The following PDE6A variants were observed in gnomAD, a reference collection of about 807,000 sequenced individuals.
PDE6A encodes phosphodiesterase 6A.
Under a neutral mutation model 106.3 loss-of-function variants are expected in PDE6A, and 84 were observed. The observed-to-expected ratio is 0.79, with a 90% confidence interval of 0.66 to 0.95. The LOEUF is 0.95. Among genes scored for constraint, PDE6A ranks in the 40% least tolerant of loss-of-function variants. PDE6A has a pLI of 0.00. For synonymous variants in PDE6A, 394 were observed against 386.6 expected (o/e 1.02, Z -0.23); for missense variants, 1,052 against 1,084.9 (o/e 0.97, Z 0.43).
intron 17 of PDE6A, among the ~76,000 whole-genome samples, 179 bp from the exon 18 acceptor site, chr5:149,868,337 C>T (rs1388569053): frequency 6.6e-6 from 1 of 152,170 alleles, no homozygotes; most frequent in Non-Finnish European, 1.5e-5. Flanking sequence ...AGGGTTAGAT[C>T]CTGCCTCTGT....
At chr5:149,891,536 T>G (rs955776592) in intron 13 of PDE6A, among the ~76,000 whole-genome samples, 1 of 152,130 alleles carries the variant, frequency 6.6e-6, no homozygotes, top group Non-Finnish European at 1.5e-5. Context: ...GCGTGGTAAC[T>G]CACACCTAAA....
intron 14 of PDE6A, among the ~76,000 whole-genome samples, chr5:149,885,253 T>G (rs1312074865): frequency 6.6e-6 from 1 of 152,234 alleles, no homozygotes; most frequent in Non-Finnish European, 1.5e-5. Flanking sequence ...ATTCTCAAAA[T>G]GTAAAATGTA....
chr5:149,861,642 T>G (rs116629047), intron 21 of PDE6A, among the ~76,000 whole-genome samples: 3,841 of 152,146 alleles, frequency 0.025, 175 homozygotes, highest in African/African-American at 0.088. Flanking sequence ...AAAGCAAGAC[T>G]CTATCTCCAA....
chr5:149,896,330 A>G (rs1345001191), intron 12 of PDE6A, 26 bp downstream of exon 12: 1 of 1,579,984 alleles, frequency 6.3e-7, no homozygotes, highest in Non-Finnish European at 8.7e-7. Context: ...AAAAAGGGAA[A>G]TCATATATAT....
At position 149,858,715 on chromosome 5, in the gene PDE6A, G is replaced by T. The variant is rs1381443387; in HGVS notation, c.*2180C>A. The T allele has an allele frequency of 6.6e-6, 1 of 152,128 alleles. No homozygotes were observed. Among genetic ancestry groups the T allele is most frequent in the East Asian group, 1.9e-4 (1 of 5,182 alleles). The allele number at this position is 152,128 out of a possible 1,614,324, so 9.4% of individuals were successfully genotyped here. ...GATTGCTTGAGCCCGGGCAGCTGGG[G>T]CTCCAGTGAGCTATGGTCATACCAC... On this transcript the variant is annotated 3_prime_UTR_variant, in exon 22 of 22. Coordinates refer to ENST00000255266, the MANE Select transcript of PDE6A (RefSeq NM_000440.3).
Position 149,944,520 on chromosome 5 carries a change from G to A in PDE6A, c.154C>T (p.Pro52Ser), listed in dbSNP as rs868265580. 6.2e-7 allele frequency: 1 copy of A among 1,614,118 alleles called. No individual in the cohort carries two copies. Among genetic ancestry groups the A allele is most frequent in the Non-Finnish European group, 8.5e-7 (1 of 1,180,002 alleles). ...AAVDFSNYHS[P>S]SSMEESEIIF... is the part of the protein sequence containing the mutation. ...ATTTCGCTCTCCTCCATGCTGCTCG[G>A]GGAGTGGTAGTTGCTGAAGTCCACG... The change falls in exon 1 of 22, where the codon CCG becomes TCG. Residue 52 changes from proline to serine, a missense_variant. Around this residue, in one of 3 missense-constraint regions of PDE6A, gnomAD observed 913 missense variants for 915.2 expected, o/e 1.00. Transcript: ENST00000255266.
At chr5:149,879,623 T>G (rs909460284) in intron 17 of PDE6A, among the ~76,000 whole-genome samples, 3 of 131,612 alleles carry the variant, frequency 2.3e-5, no homozygotes, top group African/African-American at 8.6e-5. Context: ...CCCCTTCCTG[T>G]GTCCATGTGA....
intron 13 of PDE6A, among the ~76,000 whole-genome samples, chr5:149,888,303 C>T (rs1752393033): frequency 2.6e-5 from 4 of 152,058 alleles, no homozygotes; most frequent in Admixed American, 2.6e-4. Flanking sequence ...TTATTATTCA[C>T]AGACGATTGA....
At chr5:149,903,506 T>C (rs1317074486) in intron 8 of PDE6A, 142 bp downstream of exon 8, 2 of 713,756 alleles carry the variant, frequency 2.8e-6, no homozygotes, top group Non-Finnish European at 2.5e-6. Flanking sequence ...CCATTTCCAT[T>C]GGTACAGGAA....
At chr5:149,888,308 G>A (rs953425540) in intron 13 of PDE6A, among the ~76,000 whole-genome samples, 8 of 152,044 alleles carry the variant, frequency 5.3e-5, no homozygotes, top group South Asian at 2.1e-4. Flanking sequence ...ATTCACAGAC[G>A]ATTGATCTAC....
At chr5:149,942,803 C>A (rs547144223) in intron 1 of PDE6A, among the ~76,000 whole-genome samples, 1 of 151,786 alleles carries the variant, frequency 6.6e-6, no homozygotes, top group African/African-American at 2.4e-5. Flanking sequence ...TGCACGGAGG[C>A]CAGGTTTATG....
chr5:149,929,039 T>C (rs569946416), intron 4 of PDE6A, among the ~76,000 whole-genome samples: 1 of 152,292 alleles, frequency 6.6e-6, no homozygotes, highest in South Asian at 2.1e-4. Context: ...CTGGTGAGGG[T>C]ATAAAATGGT....
chr5:149,933,145 A>T (rs1754092443), intron 3 of PDE6A, among the ~76,000 whole-genome samples: 1 of 151,648 alleles, frequency 6.6e-6, no homozygotes, highest in Non-Finnish European at 1.5e-5. Context: ...GGTGGACGCC[A>T]CTGCACACAG....
At chr5:149,868,793 T>G (rs928143910) in intron 17 of PDE6A, among the ~76,000 whole-genome samples, 1 of 152,168 alleles carries the variant, frequency 6.6e-6, no homozygotes, top group African/African-American at 2.4e-5. Flanking sequence ...TAAGATTTGC[T>G]CTCCTACCTC....
intron 10 of PDE6A, among the ~76,000 whole-genome samples, chr5:149,897,760 T>A (rs1043134297): frequency 6.6e-6 from 1 of 152,036 alleles, no homozygotes; most frequent in Non-Finnish European, 1.5e-5. Flanking sequence ...TTTGTGGGGT[T>A]TTTTTTGGTA....
intron 6 of PDE6A, among the ~76,000 whole-genome samples, chr5:149,910,716 A>G (rs1753352739): frequency 1.3e-5 from 2 of 152,158 alleles, no homozygotes; most frequent in African/African-American, 4.8e-5. Context: ...GTTTTCAACT[A>G]AACTCCTGTA....
intron 4 of PDE6A, among the ~76,000 whole-genome samples, chr5:149,929,443 A>C (rs1753960588): frequency 6.6e-6 from 1 of 152,060 alleles, no homozygotes; most frequent in Non-Finnish European, 1.5e-5. Context: ...CGTCTCTACT[A>C]AAAATACAAA....
chr5:149,882,051 AAAATAAATAAAT>A (rs150887967), intron 17 of PDE6A, among the ~76,000 whole-genome samples: 36,918 of 144,264 alleles, frequency 0.26, 5,951 homozygotes, highest in East Asian at 0.6. Flanking sequence ...CCCTGTCTCA[AAAATAAATAAAT>A]AAATAAATAA....
At position 149,863,346 on chromosome 5, in the gene PDE6A, G is replaced by A. The variant is rs186970674; in HGVS notation, c.2359-80C>T. 36 of 1,419,812 alleles carry A rather than the reference G, an allele frequency of 2.5e-5. No individual in the cohort carries two copies. Among genetic ancestry groups the A allele is most frequent in the African/African-American group, 2.5e-4 (18 of 71,184 alleles). The allele number at this position is 1,419,812 out of a possible 1,614,324, so 88.0% of individuals were successfully genotyped here. On this transcript the variant is annotated intron_variant, in intron 20 of 21. Transcript: ENST00000255266. The surrounding 1 kb of genome is among the most constrained non-coding windows in gnomAD (Gnocchi z 4.7). ...TCAAGCGGGTGGCACAGCTGGAAAC[G>A]TCCAACACTGGAATGAGCTGCTTCG...
Sources: gnomAD v4.1 joint callset for allele counts (sites outside exome capture counted in the v4.1 genomes callset) on GRCh38, gnomAD v4.1.1 for gene constraint, gnomAD v4.1.1 regional missense constraint, Gnocchi (gnomAD v3.1) non-coding constraint, MANE v1.5 for transcripts, NCBI Gene and HGNC (gene_info 2026-07-23, HGNC 2026-07-21) for gene names.